The following CNOT6L variants were observed in gnomAD, a reference collection of about 807,000 sequenced individuals.
The protein encoded by CNOT6L is CCR4-NOT transcription complex subunit 6 like.
CNOT6L carries 7 observed loss-of-function variants against 64.0 expected under a neutral mutation model. The ratio of observed to expected loss-of-function variants is 0.11; its 90% CI spans 0.06 to 0.21. The LOEUF is 0.21. CNOT6L is among the 10% of genes least tolerant of loss of function. The pLI, the probability that CNOT6L is intolerant of heterozygous loss-of-function variation, is 1.00. For synonymous variants in CNOT6L, 193 were observed against 243.4 expected (o/e 0.79, Z 1.93); for missense variants, 245 against 669.0 (o/e 0.37, Z 6.99).
At chr4:77,784,502 T>TC (rs1468422854) in intron 1 of CNOT6L, among the ~76,000 whole-genome samples, 2 of 143,328 alleles carry the variant, frequency 1.4e-5, no homozygotes, top group East Asian at 3.9e-4. Context: ...TATAATCTAT[T>TC]TTTTTTTTTT....
chr4:77,737,403 G>GTTTTTTTTTTTTTT (rs1723076948), intron 8 of CNOT6L, among the ~76,000 whole-genome samples: 1 of 116,048 alleles, frequency 8.6e-6, no homozygotes, highest in African/African-American at 3.4e-5. Context: ...TATTTGTACC[G>GTTTTTTTTTTTTTT]TTCTTTTTTT....
At chr4:77,778,024 A>C (rs1728342616) in intron 1 of CNOT6L, among the ~76,000 whole-genome samples, 1 of 152,184 alleles carries the variant, frequency 6.6e-6, no homozygotes, top group Admixed American at 6.5e-5. Flanking sequence ...TTCAACTCTA[A>C]TCTTACACAA....
intron 8 of CNOT6L, 102 bp from the exon 9 acceptor site, chr4:77,731,640 G>T: frequency 1.2e-6 from 1 of 858,486 alleles, no homozygotes; most frequent in Non-Finnish European, 1.7e-6. Flanking sequence ...TCATTTTCTA[G>T]CTGCAAGTGA....
chr4:77,742,026 A>G (rs1259621337), intron 8 of CNOT6L, 115 bp downstream of exon 8: 1 of 906,970 alleles, frequency 1.1e-6, no homozygotes, highest in South Asian at 1.8e-5. Context: ...TAAGTTGCAT[A>G]ATACTTGTTT....
intron 5 of CNOT6L, among the ~76,000 whole-genome samples, chr4:77,752,751 A>G (rs1724989232): frequency 6.6e-6 from 1 of 152,024 alleles, no homozygotes; most frequent in Non-Finnish European, 1.5e-5. Context: ...AAATATATAC[A>G]TAAATATATT....
intron 1 of CNOT6L, among the ~76,000 whole-genome samples, chr4:77,781,855 G>T (rs1728892505): frequency 6.6e-6 from 1 of 152,052 alleles, no homozygotes; most frequent in African/African-American, 2.4e-5. Context: ...TTTCATTTAG[G>T]ATTCAGACTA....
intron 11 of CNOT6L, 81 bp downstream of exon 11, chr4:77,726,086 A>C (rs1721818433): frequency 8.2e-7 from 1 of 1,224,788 alleles, no homozygotes; most frequent in Admixed American, 1.7e-5. Flanking sequence ...TTATACAATT[A>C]ATCATAAAGA....
chr4:77,759,655 G>A (rs551960800), intron 4 of CNOT6L, among the ~76,000 whole-genome samples: 2 of 151,464 alleles, frequency 1.3e-5, no homozygotes, highest in African/African-American at 4.8e-5. Context: ...TGTCAGCAGC[G>A]ACAACAGGAG....
chr4:77,808,334 C>T (rs192606370), intron 1 of CNOT6L, among the ~76,000 whole-genome samples: 140 of 151,216 alleles, frequency 9.3e-4, no homozygotes, highest in African/African-American at 2.7e-3. Context: ...TGGTGGTGTG[C>T]GCCTGTAATC....
intron 1 of CNOT6L, among the ~76,000 whole-genome samples, chr4:77,810,377 A>G (rs937275198): frequency 1.3e-5 from 2 of 152,186 alleles, no homozygotes; most frequent in Admixed American, 1.3e-4. Flanking sequence ...AACTTGTAAA[A>G]ACAAAGCCAT....
chr4:77,726,024 TTTAGGTGCATAC>T, intron 11 of CNOT6L, 131 bp downstream of exon 11: 1 of 705,064 alleles, frequency 1.4e-6, no homozygotes, highest in East Asian at 2.6e-5. Context: ...CCTACTTATA[TTTAGGTGCATAC>T]TTAGCCTAGA....
intron 1 of CNOT6L, among the ~76,000 whole-genome samples, chr4:77,784,996 G>A (rs1729280145): frequency 6.6e-6 from 1 of 152,026 alleles, no homozygotes; most frequent in Non-Finnish European, 1.5e-5. Flanking sequence ...TTCTGAAAAA[G>A]GTATAAACAT....
rs1168405435 is a variant in CNOT6L at position 77,719,305 on chromosome 4, G to C, written c.*1126C>G. 2.0e-5 allele frequency: 3 copies of C among 152,492 alleles called. No homozygotes were observed. Among genetic ancestry groups the C allele is most frequent in the Non-Finnish European group, 4.4e-5 (3 of 68,034 alleles). 9.4% of individuals were successfully genotyped at this position (152,492 alleles called of 1,614,324 possible). A position where few individuals can be genotyped will look rare whatever the true frequency, so the allele number is the denominator to read the frequency against. ...ACTGAAACAAAGATTAAAAGCATAT[G>C]ATGGCCATTTGGCAGCTAGAGTCAG... On this transcript the variant is annotated 3_prime_UTR_variant, in exon 12 of 12. Transcript: ENST00000504123.
chr4:77,812,108 C>T (rs557419421), intron 1 of CNOT6L, among the ~76,000 whole-genome samples: 1 of 152,232 alleles, frequency 6.6e-6, no homozygotes, highest in African/African-American at 2.4e-5. Flanking sequence ...TTGCAGGTGA[C>T]ATGATATTTG....
chr4:77,755,888 T>C (rs1725510116), intron 5 of CNOT6L, among the ~76,000 whole-genome samples: 1 of 151,850 alleles, frequency 6.6e-6, no homozygotes, highest in Non-Finnish European at 1.5e-5. Flanking sequence ...TATGCAGTAG[T>C]ATCTCCATAC....
chr4:77,742,894 T>C (rs1267694348), intron 7 of CNOT6L, among the ~76,000 whole-genome samples: 6 of 152,146 alleles, frequency 3.9e-5, no homozygotes, highest in Non-Finnish European at 8.8e-5. Context: ...ATGAAATAAA[T>C]ATGAAGATAA....
At chr4:77,764,951 C>A (rs1726661163) in intron 4 of CNOT6L, among the ~76,000 whole-genome samples, 1 of 152,098 alleles carries the variant, frequency 6.6e-6, no homozygotes, top group South Asian at 2.1e-4. Flanking sequence ...TGAGTAGGGG[C>A]TGGGTAAAAT....
intron 4 of CNOT6L, among the ~76,000 whole-genome samples, chr4:77,764,170 T>C (rs539135936): frequency 2.0e-5 from 3 of 152,316 alleles, no homozygotes; most frequent in African/African-American, 2.4e-5. Flanking sequence ...CACGGTAATA[T>C]GGAATTAAAG....
At chr4:77,817,304 T>C (rs1336734273) in intron 1 of CNOT6L, among the ~76,000 whole-genome samples, 3 of 152,200 alleles carry the variant, frequency 2.0e-5, no homozygotes, top group South Asian at 4.1e-4. Flanking sequence ...AAACTTCTTA[T>C]ATACATTAAA....
Sources: allele counts gnomAD v4.1 joint callset (sites outside exome capture counted in the v4.1 genomes callset), GRCh38; gene constraint gnomAD v4.1.1; transcripts MANE v1.5; gene names NCBI Gene and HGNC (gene_info 2026-07-23, HGNC 2026-07-21).